The following NFIA variants were observed in gnomAD, a reference collection of about 807,000 sequenced individuals.
The protein encoded by NFIA is nuclear factor I A, also known as nuclear factor 1 A-type.
A neutral mutation model predicts 62.8 loss-of-function variants in NFIA; 8 were observed. That is an observed-to-expected ratio of 0.13 (90% CI 0.07 to 0.23). The LOEUF (loss-of-function observed/expected upper bound fraction) is 0.23, where lower values mean the gene tolerates loss of function less well. Among genes scored for constraint, NFIA ranks in the 10% least tolerant of loss-of-function variants. The probability of loss-of-function intolerance (pLI) is 1.00; values close to 1 mark genes in which losing one functional copy is unlikely to be tolerated. For missense variants in NFIA, 410 were observed against 642.1 expected (o/e 0.64, Z 3.91); for synonymous variants, 235 against 238.1 (o/e 0.99, Z 0.12).
chr1:61,401,054 A>G (rs1252658893), intron 7 of NFIA, among the ~76,000 whole-genome samples: 4 of 152,166 alleles, frequency 2.6e-5, no homozygotes, highest in Admixed American at 6.5e-5. Flanking sequence ...GATGTCAGTA[A>G]CGTAACTATT....
intron 10 of NFIA, among the ~76,000 whole-genome samples, chr1:61,447,115 C>T (rs1032359525): frequency 3.3e-5 from 5 of 151,976 alleles, no homozygotes; most frequent in Non-Finnish European, 5.9e-5. Flanking sequence ...CTCTCCTCAA[C>T]TCTCCCCCTG....
chr1:61,163,091 G>C (rs529801442), intron 2 of NFIA, among the ~76,000 whole-genome samples: 1 of 152,180 alleles, frequency 6.6e-6, no homozygotes, highest in East Asian at 1.9e-4. Context: ...TTACACTTAA[G>C]AAGGAAGTGC....
chr1:61,128,829 A>G (rs1019097448), intron 2 of NFIA, among the ~76,000 whole-genome samples: 3 of 151,870 alleles, frequency 2.0e-5, no homozygotes, highest in African/African-American at 7.3e-5. Flanking sequence ...TGCTCTACAG[A>G]TAAGGATACT....
intron 2 of NFIA, among the ~76,000 whole-genome samples, chr1:61,147,959 T>C (rs1426666022): frequency 6.6e-6 from 1 of 152,184 alleles, no homozygotes; most frequent in Non-Finnish European, 1.5e-5. Context: ...CCAATGCAAG[T>C]GAGTCTTTTC....
intron 9 of NFIA, among the ~76,000 whole-genome samples, chr1:61,424,110 G>A (rs1666758694): frequency 6.6e-6 from 1 of 152,054 alleles, no homozygotes; most frequent in South Asian, 2.1e-4. Context: ...AGCATGAAAG[G>A]CCTTCTGGGA....
intron 4 of NFIA, among the ~76,000 whole-genome samples, chr1:61,350,675 A>G (rs935957545): frequency 2.6e-5 from 4 of 152,198 alleles, no homozygotes; most frequent in African/African-American, 9.6e-5. Flanking sequence ...CAGATCCTTC[A>G]TAACCTCACC....
chr1:61,202,256 G>A (rs1458593365), intron 2 of NFIA, among the ~76,000 whole-genome samples: 3 of 152,086 alleles, frequency 2.0e-5, no homozygotes, highest in African/African-American at 7.2e-5. Context: ...TAGGAAAAAG[G>A]CAGGAAAACA....
At chr1:61,262,874 A>G (rs139600058) in intron 2 of NFIA, among the ~76,000 whole-genome samples, 101 of 152,308 alleles carry the variant, frequency 6.6e-4, no homozygotes, top group African/African-American at 2.2e-3. Context: ...CTTTCACCTC[A>G]TTCCCATGTA....
chr1:61,315,467 G>A (rs2782541), intron 3 of NFIA, among the ~76,000 whole-genome samples: 133,469 of 152,184 alleles, frequency 0.88, 58,646 homozygotes, highest in East Asian at 0.94. Context: ...TCGATTTTCT[G>A]ATGTTAGAGG....
At chr1:61,413,481 A>G (rs1569813613) in intron 9 of NFIA, among the ~76,000 whole-genome samples, 2 of 152,230 alleles carry the variant, frequency 1.3e-5, no homozygotes, top group Non-Finnish European at 2.9e-5. Context: ...AGTCAAATAC[A>G]GGCCTTTCCA....
chr1:61,093,270 G>A (rs541200526), intron 2 of NFIA, among the ~76,000 whole-genome samples: 1 of 152,074 alleles, frequency 6.6e-6, no homozygotes, highest in East Asian at 1.9e-4. Context: ...AGAAAGTTGT[G>A]CAGTTACTTC....
At chr1:61,266,489 C>A (rs1244949703) in intron 2 of NFIA, among the ~76,000 whole-genome samples, 1 of 152,152 alleles carries the variant, frequency 6.6e-6, no homozygotes, top group African/African-American at 2.4e-5. Flanking sequence ...AAGCCATCCT[C>A]CCGGTTCAAG....
chr1:61,314,215 C>G (rs1006623334), intron 3 of NFIA, among the ~76,000 whole-genome samples: 13 of 152,112 alleles, frequency 8.5e-5, no homozygotes, highest in African/African-American at 2.9e-4. Context: ...TTAATGCCCC[C>G]CTCTGTGCCC....
At chr1:61,115,042 C>T (rs1012766630) in intron 2 of NFIA, among the ~76,000 whole-genome samples, 6 of 152,098 alleles carry the variant, frequency 3.9e-5, no homozygotes, top group African/African-American at 9.7e-5. Context: ...TGCAGTGGTG[C>T]GATCTTGGCC....
chr1:61,110,760 A>G (rs1646681699), intron 2 of NFIA, among the ~76,000 whole-genome samples: 1 of 152,132 alleles, frequency 6.6e-6, no homozygotes, highest in Admixed American at 6.6e-5. Context: ...ATTGGCTGAG[A>G]CATAATTTTG....
intron 3 of NFIA, among the ~76,000 whole-genome samples, chr1:61,280,456 T>C (rs2100283193): frequency 6.6e-6 from 1 of 152,160 alleles, no homozygotes; most frequent in East Asian, 1.9e-4. Flanking sequence ...TGTGTGTATA[T>C]ATATATGTAT....
chr1:61,366,698 A>G (rs1225410934), intron 6 of NFIA, among the ~76,000 whole-genome samples: 1 of 152,142 alleles, frequency 6.6e-6, no homozygotes, highest in African/African-American at 2.4e-5. Context: ...CGAGGTGGGC[A>G]GATCACTTGA....
intron 7 of NFIA, among the ~76,000 whole-genome samples, chr1:61,387,670 G>A (rs1352816016): frequency 6.6e-6 from 1 of 152,094 alleles, no homozygotes; most frequent in African/African-American, 2.4e-5. Flanking sequence ...CCTCCAAAGG[G>A]AAGGATCTCT....
At position 61,247,650 on chromosome 1, in the gene NFIA, G is replaced by A. The variant is rs114353884; in HGVS notation, c.560-29870G>A. 4.4e-3 allele frequency among the ~76,000 whole-genome samples: 673 copies of A among 152,270 alleles called. 3 individuals carry two copies. Among genetic ancestry groups the A allele is most frequent in the African/African-American group, 0.015 (606 of 41,544 alleles). On this transcript the variant is annotated intron_variant, in intron 2 of 10. Transcript: ENST00000403491. The stretch of plus-strand genomic sequence containing the variant: ...GAGGTGAGAGGGATGCCCTCGGGCC[G>A]TTGCTGACATCTGGTCACCACTCCT...
Sources: allele counts gnomAD v4.1 joint callset (sites outside exome capture counted in the v4.1 genomes callset), GRCh38; gene constraint gnomAD v4.1.1; transcripts MANE v1.5; gene names NCBI Gene and HGNC (gene_info 2026-07-23, HGNC 2026-07-21).